The following DGKB variants were observed in gnomAD, a reference collection of about 807,000 sequenced individuals.
DGKB encodes the protein 90 kDa diacylglycerol kinase.
DGKB carries 67 observed loss-of-function variants against 114.3 expected under a neutral mutation model. That is an observed-to-expected ratio of 0.59 (90% confidence interval 0.48 to 0.72). The LOEUF (loss-of-function observed/expected upper bound fraction) is 0.72. DGKB is among the 30% of genes least tolerant of loss of function. The pLI is 0.00. For missense variants in DGKB, 907 were observed against 975.2 expected (o/e 0.93, Z 0.93); for synonymous variants, 398 against 323.1 (o/e 1.23, Z -2.49).
chr7:14,193,176 GAA>G (rs34575063), intron 23 of DGKB, among the ~76,000 whole-genome samples: 5,083 of 142,904 alleles, frequency 0.036, 118 homozygotes, highest in African/African-American at 0.064. Flanking sequence ...CAGAGAAATA[GAA>G]AAAAAAAAAA....
intron 20 of DGKB, among the ~76,000 whole-genome samples, chr7:14,504,388 C>T (rs553038086): frequency 6.9e-4 from 105 of 152,084 alleles, no homozygotes; most frequent in Non-Finnish European, 1.4e-3. Context: ...TTGTCACTAG[C>T]TAAATGGATA....
At chr7:14,894,156 G>A (rs1164955358) in intron 1 of DGKB, among the ~76,000 whole-genome samples, 2 of 151,286 alleles carry the variant, frequency 1.3e-5, no homozygotes, top group African/African-American at 2.4e-5. Context: ...TAGAGATGCC[G>A]ATTCTCATGT....
At chr7:14,741,926 C>G (rs1253311603) in intron 4 of DGKB, among the ~76,000 whole-genome samples, 1 of 152,060 alleles carries the variant, frequency 6.6e-6, no homozygotes, top group Non-Finnish European at 1.5e-5. Context: ...ATTTAAAAGA[C>G]CTTTATGTTT....
In DGKB at chr7:14,736,204, A is replaced by C; in HGVS notation, c.169-10T>G. Reference sequence around the variant, plus strand: ...CTTCAAAATCTATTGTCTGGAAAAAAAAAATGTAAACATGTATTTTAAGAT... The same window carrying C: ...CTTCAAAATCTATTGTCTGGAAAAACAAAATGTAAACATGTATTTTAAGAT... On this transcript the variant is annotated splice_polypyrimidine_tract_variant and intron_variant, in intron 4 of 25. Coordinates refer to ENST00000402815, the MANE Select transcript of DGKB (RefSeq NM_001350709.2). The C allele has an allele frequency of 6.6e-7, 1 of 1,510,848 alleles. No homozygotes were observed. Among genetic ancestry groups the C allele is most frequent in the Non-Finnish European group, 9.0e-7 (1 of 1,106,544 alleles). The allele number at this position is 1,510,848 out of a possible 1,614,324, so 93.6% of individuals were successfully genotyped here.
chr7:14,417,512 C>G (rs1825891508), intron 21 of DGKB, among the ~76,000 whole-genome samples: 1 of 151,898 alleles, frequency 6.6e-6, no homozygotes, highest in Non-Finnish European at 1.5e-5. Context: ...TCTTTTTTAT[C>G]TCAACTGGGA....
At chr7:14,178,603 A>G (rs1782160009) in intron 23 of DGKB, among the ~76,000 whole-genome samples, 1 of 152,178 alleles carries the variant, frequency 6.6e-6, no homozygotes, top group South Asian at 2.1e-4. Context: ...GAGACCTTGG[A>G]GATCATGGAG....
At chr7:14,619,222 G>C (rs62445613) in intron 15 of DGKB, among the ~76,000 whole-genome samples, 2,441 of 150,828 alleles carry the variant, frequency 0.016, 28 homozygotes, top group South Asian at 0.024. Context: ...TTCTATACTT[G>C]TCCCACTCAC....
At chr7:14,773,633 T>C (rs972990002) in intron 2 of DGKB, among the ~76,000 whole-genome samples, 2 of 152,062 alleles carry the variant, frequency 1.3e-5, no homozygotes, top group African/African-American at 2.4e-5. Flanking sequence ...AGGGGTTCTA[T>C]CTTCACATAT....
At chr7:14,771,507 A>G (rs527280946) in intron 2 of DGKB, among the ~76,000 whole-genome samples, 1 of 152,116 alleles carries the variant, frequency 6.6e-6, no homozygotes, top group Non-Finnish European at 1.5e-5. Flanking sequence ...GATTAATTAA[A>G]TGGTCTTGAT....
chr7:14,969,747 C>A (rs1331530794), intron 1 of DGKB, among the ~76,000 whole-genome samples: 1 of 152,106 alleles, frequency 6.6e-6, no homozygotes, highest in Non-Finnish European at 1.5e-5. Flanking sequence ...ACGGTTTGGA[C>A]CATTGGTCTA....
chr7:14,681,524 G>T (rs1038233773), intron 12 of DGKB, among the ~76,000 whole-genome samples: 2 of 151,760 alleles, frequency 1.3e-5, no homozygotes, highest in Non-Finnish European at 2.9e-5. Flanking sequence ...GGGGCACTTG[G>T]GGACACAGTG....
At chr7:14,776,119 G>T (rs1477440467) in intron 2 of DGKB, among the ~76,000 whole-genome samples, 1 of 152,132 alleles carries the variant, frequency 6.6e-6, no homozygotes, top group Non-Finnish European at 1.5e-5. Flanking sequence ...GAGACTGGCA[G>T]CATTTTGCCC....
chr7:14,191,863 T>A, intron 23 of DGKB: 1 of 507,836 alleles, frequency 2.0e-6, no homozygotes, highest in Non-Finnish European at 3.9e-6. Flanking sequence ...GTCACACAGT[T>A]CACATTGCTT....
intron 6 of DGKB, among the ~76,000 whole-genome samples, chr7:14,716,424 C>T (rs1828197863): frequency 1.3e-5 from 2 of 152,150 alleles, no homozygotes; most frequent in African/African-American, 4.8e-5. Flanking sequence ...CAACATTGAC[C>T]TGCAAAAGTT....
intron 12 of DGKB, among the ~76,000 whole-genome samples, chr7:14,681,092 A>T (rs535012032): frequency 2.8e-5 from 4 of 144,202 alleles, no homozygotes; most frequent in Non-Finnish European, 6.1e-5. Context: ...AAAATGACAT[A>T]TGTTTGTAAA....
chr7:14,254,867 G>C (rs745633865), intron 23 of DGKB, among the ~76,000 whole-genome samples: 17 of 152,014 alleles, frequency 1.1e-4, no homozygotes, highest in Admixed American at 7.9e-4. Context: ...ATAATACCTT[G>C]TAAGGAATTT....
intron 4 of DGKB, among the ~76,000 whole-genome samples, chr7:14,741,124 C>G (rs1832529525): frequency 6.6e-6 from 1 of 152,176 alleles, no homozygotes; most frequent in Non-Finnish European, 1.5e-5. Flanking sequence ...TACTACAGGA[C>G]ACTCCTCTCG....
intron 23 of DGKB, among the ~76,000 whole-genome samples, chr7:14,183,590 T>C (rs1426344978): frequency 6.6e-6 from 1 of 152,190 alleles, no homozygotes; most frequent in African/African-American, 2.4e-5. Context: ...TATAGGCATT[T>C]TTCCATTTAA....
At chr7:14,230,536 C>G (rs1209161850) in intron 23 of DGKB, among the ~76,000 whole-genome samples, 1 of 151,856 alleles carries the variant, frequency 6.6e-6, no homozygotes, top group African/African-American at 2.4e-5. Context: ...GAAATCAATG[C>G]CATCAAATAA....
Sources: gnomAD v4.1 joint callset for allele counts (sites outside exome capture counted in the v4.1 genomes callset) on GRCh38, gnomAD v4.1.1 for gene constraint, MANE v1.5 for transcripts, NCBI Gene and HGNC (gene_info 2026-07-23, HGNC 2026-07-21) for gene names.